Variants in STAG1 observed in about 807,000 individuals in gnomAD.
STAG1 encodes the protein STAG1 cohesin complex component, also known as cohesin subunit SA-1.
In STAG1, 26 loss-of-function variants were observed where a neutral mutation model predicts 170.9. The observed-to-expected ratio is 0.15, with a 90% CI of 0.11 to 0.21. The LOEUF is 0.21. Among genes scored for constraint, STAG1 ranks in the 10% least tolerant of loss-of-function variants. The probability of loss-of-function intolerance (pLI) is 1.00; values close to 1 mark genes in which losing one functional copy is unlikely to be tolerated. For synonymous variants in STAG1, 514 were observed against 497.7 expected (o/e 1.03, Z -0.44); for missense variants, 964 against 1,509.5 (o/e 0.64, Z 5.99).
At chr3:136,526,910 G>C (rs1401530603) in intron 6 of STAG1, among the ~76,000 whole-genome samples, 1 of 152,178 alleles carries the variant, frequency 6.6e-6, no homozygotes, top group African/African-American at 2.4e-5. Flanking sequence ...TAAGAATGTT[G>C]AATGTTGGCT....
intron 1 of STAG1, among the ~76,000 whole-genome samples, chr3:136,634,301 G>A (rs989754500): frequency 6.6e-6 from 1 of 151,776 alleles, no homozygotes; most frequent in Non-Finnish European, 1.5e-5. Flanking sequence ...AGGCTACAGT[G>A]AGCCATGACT....
intron 9 of STAG1, among the ~76,000 whole-genome samples, chr3:136,485,587 G>C (rs1292293327): frequency 2.0e-5 from 3 of 152,140 alleles, no homozygotes; most frequent in Admixed American, 1.3e-4. Context: ...AGGTATAGGG[G>C]ACAATATAAT....
intron 1 of STAG1, among the ~76,000 whole-genome samples, chr3:136,668,160 A>G (rs1479549119): frequency 6.6e-6 from 1 of 151,546 alleles, no homozygotes; most frequent in African/African-American, 2.4e-5. Flanking sequence ...TTGAACCCAG[A>G]ATATGGAGGT....
At chr3:136,530,533 T>A (rs1405374296) in intron 6 of STAG1, among the ~76,000 whole-genome samples, 1 of 152,124 alleles carries the variant, frequency 6.6e-6, no homozygotes, top group African/African-American at 2.4e-5. Flanking sequence ...ACAAGTCTCG[T>A]CAAATTTTTA....
In STAG1 at chr3:136,411,802, C is replaced by T. The variant is rs373855304; in HGVS notation, c.2196+6083G>A. 6.6e-5 allele frequency among the ~76,000 whole-genome samples: 10 copies of T among 152,062 alleles called. No individual in the cohort carries two copies. The East Asian group carries it at 9.7e-4, about 15-fold the overall frequency. ...CATATCTACCAATACAAAAATTAGC[C>T]GGGCGTGGTGGTGGGTGCCTGTAAT... On this transcript the variant is annotated intron_variant, in intron 21 of 33. Coordinates refer to ENST00000383202, the MANE Select transcript of STAG1 (RefSeq NM_005862.3).
intron 9 of STAG1, among the ~76,000 whole-genome samples, chr3:136,490,335 G>A (rs1169513427): frequency 1.3e-5 from 2 of 152,044 alleles, no homozygotes; most frequent in African/African-American, 4.8e-5. Context: ...ACTGCTAAGA[G>A]TTATTTTAGA....
intron 4 of STAG1, among the ~76,000 whole-genome samples, chr3:136,601,548 C>T (rs1349553273): frequency 2.0e-5 from 3 of 152,156 alleles, no homozygotes; most frequent in Non-Finnish European, 4.4e-5. Context: ...GGTGTGGTGG[C>T]TCATGCCTGT....
chr3:136,453,461 G>C (rs2089007970), intron 13 of STAG1, among the ~76,000 whole-genome samples: 1 of 151,756 alleles, frequency 6.6e-6, no homozygotes, highest in East Asian at 1.9e-4. Context: ...CGTGGTGGCG[G>C]GCGCCTGTAG....
chr3:136,710,097 T>C (rs766024173), intron 1 of STAG1, among the ~76,000 whole-genome samples: 4 of 152,172 alleles, frequency 2.6e-5, no homozygotes, highest in African/African-American at 9.7e-5. Flanking sequence ...TCCAGATAAG[T>C]ATCAGACTTT....
In STAG1 at chr3:136,418,095, T is replaced by A. The variant is rs900139908; in HGVS notation, c.2109-123A>T. On this transcript the variant is annotated intron_variant, in intron 20 of 33. Transcript: ENST00000383202. ...TCGGCTGGGCACACTGGCTCACGCC[T>A]GTAATCCCAGCACTCTGGAAGGCCG... The A allele has an allele frequency of 8.0e-6, 6 of 751,286 alleles. No individual in the cohort carries two copies. The South Asian group carries it at 8.8e-5, about 11-fold the overall frequency. The allele number at this position is 751,286 out of a possible 1,614,324, so 46.5% of individuals were successfully genotyped here.
intron 1 of STAG1, among the ~76,000 whole-genome samples, chr3:136,672,357 A>T (rs1942003992): frequency 6.6e-6 from 1 of 152,380 alleles, no homozygotes; most frequent in African/African-American, 2.4e-5. Flanking sequence ...AGGGTTAAAT[A>T]ATAAAAATAC....
intron 2 of STAG1, among the ~76,000 whole-genome samples, chr3:136,625,647 C>G (rs1024791442): frequency 3.3e-5 from 5 of 150,036 alleles, no homozygotes; most frequent in Admixed American, 1.3e-4. Context: ...GTGCCTCCTG[C>G]TAACATAATC....
chr3:136,687,433 A>T (rs1942567566), intron 1 of STAG1, among the ~76,000 whole-genome samples: 1 of 152,214 alleles, frequency 6.6e-6, no homozygotes, highest in African/African-American at 2.4e-5. Context: ...ACATAATTTG[A>T]ATTTAATTTT....
intron 13 of STAG1, among the ~76,000 whole-genome samples, chr3:136,463,371 A>G (rs1011527266): frequency 5.9e-5 from 9 of 152,222 alleles, no homozygotes; most frequent in Non-Finnish European, 1.0e-4. Context: ...CCTGCTCATT[A>G]TCAAAGTTAG....
At chr3:136,603,178 C>A (rs1234469666) in intron 4 of STAG1, among the ~76,000 whole-genome samples, 10 of 151,928 alleles carry the variant, frequency 6.6e-5, no homozygotes, top group Non-Finnish European at 7.4e-5. Context: ...AATAGTAATT[C>A]CGTTTCACAA....
intron 23 of STAG1, among the ~76,000 whole-genome samples, chr3:136,370,071 CTAT>C (rs1937244547): frequency 1.3e-5 from 2 of 149,494 alleles, no homozygotes; most frequent in East Asian, 3.9e-4. Flanking sequence ...CTATACTATA[CTAT>C]ACTATACTAT....
At chr3:136,638,693 A>G (rs1219191869) in intron 1 of STAG1, among the ~76,000 whole-genome samples, 1 of 152,104 alleles carries the variant, frequency 6.6e-6, no homozygotes, top group Non-Finnish European at 1.5e-5. Context: ...ACCTGAGGTC[A>G]GAAATTCAAG....
chr3:136,343,481 C>T (rs1409627445), intron 30 of STAG1, among the ~76,000 whole-genome samples: 1 of 152,164 alleles, frequency 6.6e-6, no homozygotes, highest in Non-Finnish European at 1.5e-5. Flanking sequence ...GTCCAGACTA[C>T]TGACAACTTA....
At chr3:136,687,339 TA>T in intron 1 of STAG1, among the ~76,000 whole-genome samples, 1 of 152,270 alleles carries the variant, frequency 6.6e-6, no homozygotes, top group East Asian at 1.9e-4. Context: ...TTGGAAGACA[TA>T]AAAAATTAGA....
Sources: gnomAD v4.1 joint callset for allele counts (sites outside exome capture counted in the v4.1 genomes callset) on GRCh38, gnomAD v4.1.1 for gene constraint, MANE v1.5 for transcripts, NCBI Gene and HGNC (gene_info 2026-07-23, HGNC 2026-07-21) for gene names.